The following MARCHF4 variants were observed in gnomAD, a reference collection of about 807,000 sequenced individuals.
MARCHF4 encodes membrane associated ring-CH-type finger 4, also known as E3 ubiquitin-protein ligase MARCHF4.
In MARCHF4, 14 loss-of-function variants were observed where a neutral mutation model predicts 43.9. The observed-to-expected ratio is 0.32, with a 90% CI of 0.21 to 0.50. The LOEUF (loss-of-function observed/expected upper bound fraction) is 0.50, where lower values mean the gene tolerates loss of function less well. MARCHF4 is among the 20% of genes least tolerant of loss of function. The pLI is 0.98. For synonymous variants in MARCHF4, 226 were observed against 213.3 expected, an observed-to-expected ratio of 1.06 and a Z score of -0.52; for missense variants, 468 against 536.7, an observed-to-expected ratio of 0.87 and a Z score of 1.27.
At chr2:216,259,748 G>A in intron 3 of MARCHF4, 69 bp from the exon 4 acceptor site, 2 of 1,479,922 alleles carry the variant, frequency 1.4e-6, no homozygotes, top group Admixed American at 1.7e-5. Context: ...GGAGACCACA[G>A]TCTCTCTGAA....
intron 1 of MARCHF4, among the ~76,000 whole-genome samples, chr2:216,342,207 T>C (rs1467169859): frequency 4.6e-5 from 7 of 152,326 alleles, no homozygotes; most frequent in African/African-American, 1.7e-4. Context: ...TTGAGCCCTC[T>C]GGCCTTAGGG....
At chr2:216,332,755 T>A (rs952317178) in intron 1 of MARCHF4, among the ~76,000 whole-genome samples, 2 of 152,208 alleles carry the variant, frequency 1.3e-5, no homozygotes, top group Admixed American at 1.3e-4. Context: ...AACTACCAGA[T>A]ATTAAGACTA....
At chr2:216,289,460 C>T (rs1691273604) in intron 1 of MARCHF4, among the ~76,000 whole-genome samples, 1 of 152,162 alleles carries the variant, frequency 6.6e-6, no homozygotes, top group African/African-American at 2.4e-5. Flanking sequence ...AAGGGTCTGT[C>T]CCAACTAGAA....
At chr2:216,337,631 G>A (rs954277741) in intron 1 of MARCHF4, among the ~76,000 whole-genome samples, 2 of 152,182 alleles carry the variant, frequency 1.3e-5, no homozygotes, top group Non-Finnish European at 1.5e-5. Flanking sequence ...ACGCTTCCAA[G>A]GTATATGGCC....
intron 1 of MARCHF4, among the ~76,000 whole-genome samples, chr2:216,340,039 T>C (rs7606385): frequency 0.028 from 4,228 of 152,154 alleles, 197 homozygotes; most frequent in African/African-American, 0.097. Context: ...AAGCTGAATT[T>C]CCAGCCGTTA....
At chr2:216,269,426 T>A (rs1001595172) in intron 3 of MARCHF4, among the ~76,000 whole-genome samples, 44 of 152,084 alleles carry the variant, frequency 2.9e-4, no homozygotes, top group African/African-American at 9.2e-4. Flanking sequence ...TTAGATATAA[T>A]CAGATCTTCT....
intron 1 of MARCHF4, among the ~76,000 whole-genome samples, chr2:216,297,737 A>G (rs1243479592): frequency 6.6e-6 from 1 of 152,086 alleles, no homozygotes; most frequent in African/African-American, 2.4e-5. Flanking sequence ...GCTGATCTCG[A>G]ACTCCCCACC....
intron 1 of MARCHF4, among the ~76,000 whole-genome samples, chr2:216,363,280 A>T (rs17485059): frequency 6.6e-6 from 1 of 152,136 alleles, no homozygotes; most frequent in African/African-American, 2.4e-5. Context: ...ATTACTACAA[A>T]CAACACTGTG....
At position 216,259,521 on chromosome 2, in the gene MARCHF4, C is replaced by T. The variant is rs1273008866; in HGVS notation, c.1024G>A (p.Ala342Thr). 4 of 1,614,022 alleles carry T rather than the reference C, an allele frequency of 2.5e-6. No homozygotes were observed. The Admixed American group carries it at 5.0e-5, about 20-fold the overall frequency. Residue 342 changes from alanine to threonine, a missense_variant, in exon 4 of 4, where the codon GCC (alanine) becomes ACC (threonine). By Grantham distance (58) the Ala-to-Thr change is moderately conservative. This residue lies in a region of MARCHF4 where 120 missense variants were observed against 127.1 expected (regional missense o/e 0.94). Coordinates refer to ENST00000273067, the MANE Select transcript of MARCHF4 (RefSeq NM_020814.3). The part of the protein sequence containing the change: ...TNPRTSSSTQ[A>T]NIPSSEEETA... The stretch of plus-strand genomic sequence containing the variant: ...TCCTCTTCCGAGGAGGGGATATTGG[C>T]CTGGGTGGATGAGGAGGTCCGGGGG...
intron 1 of MARCHF4, among the ~76,000 whole-genome samples, chr2:216,331,700 A>G (rs1233467177): frequency 6.6e-6 from 1 of 152,262 alleles, no homozygotes; most frequent in African/African-American, 2.4e-5. Context: ...AACGTAGTTC[A>G]TGCCCTAAAC....
chr2:216,274,598 C>T (rs910058593), intron 3 of MARCHF4, among the ~76,000 whole-genome samples: 1 of 152,188 alleles, frequency 6.6e-6, no homozygotes, highest in African/African-American at 2.4e-5. Flanking sequence ...TCAGTAAAAT[C>T]CCCATCATTG....
intron 1 of MARCHF4, among the ~76,000 whole-genome samples, chr2:216,339,384 G>A (rs1211960980): frequency 6.6e-6 from 1 of 152,128 alleles, no homozygotes; most frequent in Non-Finnish European, 1.5e-5. Context: ...AATCCCCTTG[G>A]GAAATCCACC....
chr2:216,263,449 GAGA>G, intron 3 of MARCHF4, among the ~76,000 whole-genome samples: 1 of 142,140 alleles, frequency 7.0e-6, no homozygotes, highest in African/African-American at 2.6e-5. Flanking sequence ...GAGAGAGAGA[GAGA>G]GAGAGAGAAA....
intron 1 of MARCHF4, among the ~76,000 whole-genome samples, chr2:216,315,133 G>C (rs1691754520): frequency 6.6e-6 from 1 of 152,102 alleles, no homozygotes; most frequent in South Asian, 2.1e-4. Flanking sequence ...AAAAGGTCAA[G>C]CAAATTCACA....
At chr2:216,343,126 G>C (rs1446866630) in intron 1 of MARCHF4, among the ~76,000 whole-genome samples, 1 of 152,254 alleles carries the variant, frequency 6.6e-6, no homozygotes, top group Non-Finnish European at 1.5e-5. Flanking sequence ...ACAAGGACCA[G>C]AGTTGAGATA....
intron 1 of MARCHF4, among the ~76,000 whole-genome samples, chr2:216,341,491 C>G (rs1291914147): frequency 1.3e-5 from 2 of 152,122 alleles, no homozygotes; most frequent in Admixed American, 6.5e-5. Context: ...TGGGAGGGCC[C>G]TCTTCTGTTA....
chr2:216,297,551 GC>G (rs1237974480), intron 1 of MARCHF4, among the ~76,000 whole-genome samples: 1 of 152,128 alleles, frequency 6.6e-6, no homozygotes, highest in Non-Finnish European at 1.5e-5. Context: ...CCCTCTTGTT[GC>G]CCAGGCTGGA....
chr2:216,307,093 G>A (rs13399693), intron 1 of MARCHF4, among the ~76,000 whole-genome samples: 10,250 of 151,900 alleles, frequency 0.067, 1,146 homozygotes, highest in African/African-American at 0.24. Context: ...CTCTCCTCCC[G>A]CCCTGGTAGG....
chr2:216,326,154 A>C (rs1358877716), intron 1 of MARCHF4, among the ~76,000 whole-genome samples: 2 of 151,810 alleles, frequency 1.3e-5, no homozygotes, highest in East Asian at 3.9e-4. Context: ...GGCGAAGGAC[A>C]TGAACAGACA....
Sources: gnomAD v4.1 joint callset for allele counts (sites outside exome capture counted in the v4.1 genomes callset) on GRCh38, gnomAD v4.1.1 for gene constraint, gnomAD v4.1.1 regional missense constraint, MANE v1.5 for transcripts, NCBI Gene and HGNC (gene_info 2026-07-23, HGNC 2026-07-21) for gene names.